The following XNDC1N variants were observed in gnomAD, a reference collection of about 807,000 sequenced individuals.
XNDC1N encodes the protein protein XNDC1N.
the XNDC1N span, among the ~76,000 whole-genome samples, chr11:71,898,658 A>G: frequency 6.6e-6 from 1 of 152,326 alleles, no homozygotes; most frequent in East Asian, 1.9e-4. Flanking sequence ...TTAAGTGTCT[A>G]GAGTAGTTAA....
the XNDC1N span, chr11:71,893,667 G>C: frequency 2.3e-6 from 3 of 1,286,938 alleles, no homozygotes; most frequent in Non-Finnish European, 3.3e-6. Context: ...TCTCCAACCT[G>C]TGCTGGGCTG....
the XNDC1N span, among the ~76,000 whole-genome samples, chr11:71,897,728 T>A: frequency 2.0e-5 from 3 of 152,304 alleles, no homozygotes; most frequent in Admixed American, 2.0e-4. Context: ...CAAAAAGAAT[T>A]AGAAGCCAGG....
At chr11:71,878,522 A>G in the XNDC1N span, 1 of 1,608,012 alleles carries the variant, frequency 6.2e-7, no homozygotes, top group Non-Finnish European at 8.5e-7. Context: ...TAAGGCAGAA[A>G]CTTTTTTATT....
chr11:71,870,503 C>T, the XNDC1N span, among the ~76,000 whole-genome samples: 1 of 151,984 alleles, frequency 6.6e-6, no homozygotes, highest in Non-Finnish European at 1.5e-5. Flanking sequence ...GTTCTAACTG[C>T]AAAAGCACAG....
the XNDC1N span, among the ~76,000 whole-genome samples, chr11:71,876,394 C>T: frequency 2.0e-5 from 3 of 152,220 alleles, no homozygotes; most frequent in Non-Finnish European, 2.9e-5. Context: ...CAATCTAAGC[C>T]ATCTTTTGAT....
At chr11:71,913,023 G>A in the XNDC1N span, among the ~76,000 whole-genome samples, 3 of 152,076 alleles carry the variant, frequency 2.0e-5, no homozygotes, top group African/African-American at 2.4e-5. Flanking sequence ...AGGGGTTGGT[G>A]TACATTCCCT....
At chr11:71,919,942 T>C in the XNDC1N span, among the ~76,000 whole-genome samples, 2 of 75,212 alleles carry the variant, frequency 2.7e-5, no homozygotes, top group Non-Finnish European at 5.0e-5. Flanking sequence ...TTTTTTTTTT[T>C]TTTTTTTTTT....
the XNDC1N span, among the ~76,000 whole-genome samples, chr11:71,890,988 G>A: frequency 6.6e-6 from 1 of 151,882 alleles, no homozygotes; most frequent in South Asian, 2.1e-4. Flanking sequence ...GGGGTGTACT[G>A]CCTCTGTGAT....
chr11:71,885,903 C>A, the XNDC1N span, among the ~76,000 whole-genome samples: 1 of 149,164 alleles, frequency 6.7e-6, no homozygotes, highest in Non-Finnish European at 1.5e-5. Flanking sequence ...ATTAGTATAA[C>A]TATTTAATAT....
the XNDC1N span, among the ~76,000 whole-genome samples, chr11:71,915,649 C>T: frequency 4.6e-5 from 7 of 152,042 alleles, no homozygotes; most frequent in African/African-American, 1.7e-4. Context: ...AACTGTAGAG[C>T]ACACATGTAA....
At chr11:71,877,309 A>G in the XNDC1N span, among the ~76,000 whole-genome samples, 1 of 152,268 alleles carries the variant, frequency 6.6e-6, no homozygotes, top group Admixed American at 6.5e-5. Flanking sequence ...AGGTCAAGTA[A>G]GACCAGGAAT....
At chr11:71,887,395 G>C in the XNDC1N span, among the ~76,000 whole-genome samples, 10 of 152,182 alleles carry the variant, frequency 6.6e-5, no homozygotes, top group Non-Finnish European at 1.5e-4. Flanking sequence ...CTCTTTGACA[G>C]AGCACGGCTC....
the XNDC1N span, among the ~76,000 whole-genome samples, chr11:71,885,719 G>A: frequency 1.3e-5 from 2 of 151,996 alleles, no homozygotes; most frequent in Admixed American, 6.6e-5. Context: ...ACATGAATAT[G>A]AATGACCGAT....
At chr11:71,872,615 C>T in the XNDC1N span, among the ~76,000 whole-genome samples, 1 of 152,056 alleles carries the variant, frequency 6.6e-6, no homozygotes, top group Non-Finnish European at 1.5e-5. Context: ...GTAATCCCAG[C>T]TACTTGGGAG....
chr11:71,891,390 A>T, the XNDC1N span, among the ~76,000 whole-genome samples: 1 of 151,958 alleles, frequency 6.6e-6, no homozygotes, highest in Non-Finnish European at 1.5e-5. Context: ...GAGTAAGATC[A>T]TCCTCTCCAC....
chr11:71,916,105 G>T, the XNDC1N span: 3 of 702,898 alleles, frequency 4.3e-6, no homozygotes, highest in Non-Finnish European at 7.8e-6. Flanking sequence ...AAGGGCTGAG[G>T]GACCCACCAC....
the XNDC1N span, chr11:71,918,848 G>A: frequency 1.4e-6 from 1 of 700,504 alleles, no homozygotes. Context: ...TCATTCCTGT[G>A]TTCTTCCTCA....
chr11:71,898,738 G>C, the XNDC1N span, among the ~76,000 whole-genome samples: 1 of 152,206 alleles, frequency 6.6e-6, no homozygotes, highest in South Asian at 2.1e-4. Flanking sequence ...AGAGCTTGGT[G>C]AATGGGTGCA....
the XNDC1N span, among the ~76,000 whole-genome samples, chr11:71,909,690 C>T: frequency 0.021 from 3,218 of 152,302 alleles, 125 homozygotes; most frequent in African/African-American, 0.074. Flanking sequence ...TTGACGTCAT[C>T]GGAGCCACGG....
Sources: allele counts gnomAD v4.1 joint callset (sites outside exome capture counted in the v4.1 genomes callset), GRCh38; gene constraint gnomAD v4.1.1; transcripts MANE v1.5; gene names NCBI Gene and HGNC (gene_info 2026-07-23, HGNC 2026-07-21).